RGS7: variants seen among roughly 807,000 people sequenced by gnomAD.
The protein encoded by RGS7 is regulator of G protein signaling 7.
RGS7 carries 27 observed loss-of-function variants against 81.1 expected under a neutral mutation model. The ratio of observed to expected loss-of-function variants is 0.33; its 90% CI spans 0.25 to 0.46. RGS7 has a LOEUF of 0.46. Ranked by LOEUF, RGS7 falls within the 20% of genes least tolerant of loss-of-function variation. RGS7 has a pLI of 1.00. For missense variants in RGS7, 396 were observed against 607.4 expected, an observed-to-expected ratio of 0.65 and a Z score of 3.66; for synonymous variants, 208 against 207.7, an observed-to-expected ratio of 1.00 and a Z score of -0.01.
At chr1:240,968,571 C>A (rs1481706881) in intron 4 of RGS7, among the ~76,000 whole-genome samples, 1 of 151,618 alleles carries the variant, frequency 6.6e-6, no homozygotes, top group Admixed American at 6.6e-5. Context: ...GCATTTTAGT[C>A]TCATTAGACT....
intron 18 of RGS7, among the ~76,000 whole-genome samples, chr1:240,785,026 T>G (rs1057198790): frequency 6.6e-6 from 1 of 152,190 alleles, no homozygotes; most frequent in Non-Finnish European, 1.5e-5. Context: ...ATTATTTTAC[T>G]CTCATGTTGA....
At chr1:240,779,941 C>G (rs1253975307) in intron 18 of RGS7, among the ~76,000 whole-genome samples, 1 of 152,072 alleles carries the variant, frequency 6.6e-6, no homozygotes, top group African/African-American at 2.4e-5. Context: ...TCTAAAAGGA[C>G]AGAAAGTTAT....
intron 2 of RGS7, among the ~76,000 whole-genome samples, chr1:241,199,914 T>G (rs1363270755): frequency 6.6e-6 from 1 of 152,198 alleles, no homozygotes; most frequent in Non-Finnish European, 1.5e-5. Flanking sequence ...CTTTGACAGG[T>G]CATATAGCAT....
rs771278929 is a variant in RGS7, at chr1:240,814,727, T to C, written c.834A>G (p.Lys278=). Residue 278 remains lysine (K), a synonymous_variant, in exon 12 of 19, where the codon AAA becomes AAG. Transcript: ENST00000440928. ...TTTGAAATACTCACCTGTCAGCGACTTTTGACATTTTTAACCGATGTCTAT... is the reference window on the plus strand; with the variant it reads ...TTTGAAATACTCACCTGTCAGCGACCTTTGACATTTTTAACCGATGTCTAT... ...QLDRHRLKMS[K]VADSLLSYTE... is the part of the protein sequence containing the mutation. The C allele has an allele frequency of 6.3e-7, 1 of 1,597,502 alleles. No homozygotes were observed. Among genetic ancestry groups the C allele is most frequent in the Non-Finnish European group, 8.6e-7 (1 of 1,165,330 alleles).
intron 2 of RGS7, among the ~76,000 whole-genome samples, chr1:241,177,509 A>G (rs958171580): frequency 2.0e-5 from 3 of 151,780 alleles, no homozygotes; most frequent in Non-Finnish European, 2.9e-5. Context: ...TAAATATAAG[A>G]AGCCCCTTGA....
chr1:241,287,833 A>G (rs2078901521), intron 2 of RGS7, among the ~76,000 whole-genome samples: 1 of 152,218 alleles, frequency 6.6e-6, no homozygotes, highest in African/African-American at 2.4e-5. Context: ...TTTCTAAAGC[A>G]AATAACTGTC....
intron 2 of RGS7, among the ~76,000 whole-genome samples, chr1:241,279,148 A>ACTTTATAATATAG (rs2078366528): frequency 6.6e-6 from 1 of 151,376 alleles, no homozygotes; most frequent in Non-Finnish European, 1.5e-5. Context: ...ATAACATATA[A>ACTTTATAATATAG]CTTTATAATG....
At position 240,775,869 on chromosome 1, in the gene RGS7, G is replaced by C; in HGVS notation, c.*351C>G. ...TGTGTCTAACTGAAGCTTTGAGAGA[G>C]AGAGAGAGAGAAAGAAGGAAAAAAA... is the stretch of plus-strand genomic sequence containing the variant. On this transcript the variant is annotated 3_prime_UTR_variant, in exon 19 of 19. Transcript: ENST00000440928. 8.4e-6 allele frequency: 3 copies of C among 357,364 alleles called. No individual in the cohort carries two copies. In the South Asian group the frequency reaches 9.6e-5, roughly 11 times the overall value. 22.1% of individuals were successfully genotyped at this position (357,364 alleles called of 1,614,324 possible).
chr1:240,961,664 CA>C (rs140953420), intron 4 of RGS7, among the ~76,000 whole-genome samples: 2,091 of 152,258 alleles, frequency 0.014, 26 homozygotes, highest in Middle Eastern at 0.027. Context: ...ATGGGGAATG[CA>C]AAATGGCTTA....
Position 241,327,028 on chromosome 1 carries a change from A to AGGGAGGGAGTGAGGG in RGS7, c.78+28670_78+28671insCCCTCACTCCCTCCC, listed in dbSNP as rs1257519305. ...GAAGGAAGGAAGGAAGGAAGGAAGG[A>AGGGAGGGAGTGAGGG]AGGAAGGAAGGGAGGGAGGGGAAAG... is the stretch of plus-strand genomic sequence containing the variant. On this transcript the variant is annotated intron_variant, in intron 2 of 18. Transcript: ENST00000440928. Among the ~76,000 whole-genome samples, 13 of 2,654 alleles carry AGGGAGGGAGTGAGGG rather than the reference A, an allele frequency of 4.9e-3. 4 individuals carry two copies. In the South Asian group the frequency reaches 0.12, roughly 25 times the overall value. 1.7% of individuals were successfully genotyped at this position (2,654 alleles called of 152,430 possible). A position where few individuals can be genotyped will look rare whatever the true frequency, so the allele number is the denominator to read the frequency against.
chr1:241,055,609 A>G (rs2061437960), intron 3 of RGS7, among the ~76,000 whole-genome samples: 1 of 152,208 alleles, frequency 6.6e-6, no homozygotes, highest in Non-Finnish European at 1.5e-5. Context: ...AGGAAGGGGC[A>G]TGGAGCTTCC....
chr1:241,275,031 A>G (rs899349363), intron 2 of RGS7, among the ~76,000 whole-genome samples: 6 of 152,232 alleles, frequency 3.9e-5, no homozygotes, highest in Admixed American at 3.3e-4. Context: ...GAAATGAGGA[A>G]CAGGGTCAGA....
chr1:240,813,641 G>A lies in RGS7; in HGVS notation c.933C>T (p.Thr311=), dbSNP rs1690279607. Residue 311 remains threonine, a synonymous_variant, in exon 13 of 19, where the codon ACC becomes ACT. Coordinates refer to ENST00000440928, the MANE Select transcript of RGS7 (RefSeq NM_001364886.1). The stretch of plus-strand genomic sequence containing the variant: ...ACCTTGCCTCAAGTTCCCAGAAAGT[G>A]GTGTCATCGGACAGCCATGGGTTAG... ...DPSNPWLSDD[T]TFWELEASKE... is the part of the protein sequence containing the mutation. 1.2e-6 allele frequency: 2 copies of A among 1,612,664 alleles called. No individual in the cohort carries two copies. Among genetic ancestry groups the A allele is most frequent in the East Asian group, 4.5e-5 (2 of 44,882 alleles).
intron 2 of RGS7, among the ~76,000 whole-genome samples, chr1:241,179,901 C>T (rs1305378810): frequency 6.6e-6 from 1 of 152,090 alleles, no homozygotes; most frequent in Non-Finnish European, 1.5e-5. Context: ...AGACATACTT[C>T]CTGATCTTAA....
At chr1:240,865,052 T>C (rs1055797691) in intron 9 of RGS7, among the ~76,000 whole-genome samples, 1 of 152,204 alleles carries the variant, frequency 6.6e-6, no homozygotes, top group Admixed American at 6.5e-5. Flanking sequence ...AGTGAGATGC[T>C]AAAGTGATCT....
chr1:240,932,513 C>CTTTTTTTTTTTTT lies in RGS7; in HGVS notation c.334-1758_334-1746dup, dbSNP rs56232293. Among the ~76,000 whole-genome samples, 2 of 126,908 alleles carry CTTTTTTTTTTTTT rather than the reference C, an allele frequency of 1.6e-5. 1 individual carries two copies. Among genetic ancestry groups the CTTTTTTTTTTTTT allele is most frequent in the African/African-American group, 6.1e-5 (2 of 32,932 alleles). The allele number at this position is 126,908 out of a possible 152,430, so 83.3% of individuals were successfully genotyped here. On this transcript the variant is annotated intron_variant, in intron 5 of 18. Transcript: ENST00000440928. ...AACTTTGCTTTCATGTAGGGTGTCA[C>CTTTTTTTTTTTTT]TTTTTTTTTTTTTGAGACAGGGTCT... is the stretch of plus-strand genomic sequence containing the variant.
Position 241,259,667 on chromosome 1 carries a change from A to AAAAAAAAAAT in RGS7, c.78+96031_78+96032insATTTTTTTTT. Among the ~76,000 whole-genome samples, 49 of 49,136 alleles carry AAAAAAAAAAT rather than the reference A, an allele frequency of 1.0e-3. 3 individuals are homozygous for AAAAAAAAAAT. The highest frequency in any genetic ancestry group is 1.8e-3 in the East Asian group (3 of 1,644). 32.2% of individuals were successfully genotyped at this position (49,136 alleles called of 152,430 possible). On this transcript the variant is annotated intron_variant, in intron 2 of 18. Coordinates refer to ENST00000440928, the MANE Select transcript of RGS7 (RefSeq NM_001364886.1). ...CTCCGTCTCAAAAAAAAAAAAAAAA[A>AAAAAAAAAAT]ATATATATATATATATATAATTAAA... is the stretch of plus-strand genomic sequence containing the variant.
intron 9 of RGS7, among the ~76,000 whole-genome samples, chr1:240,847,201 T>C (rs1172403018): frequency 6.6e-6 from 1 of 152,224 alleles, no homozygotes; most frequent in African/African-American, 2.4e-5. Context: ...CTCATCTCCT[T>C]TTAAAAGCAT....
At chr1:241,323,484 C>T (rs926990398) in intron 2 of RGS7, among the ~76,000 whole-genome samples, 4 of 152,212 alleles carry the variant, frequency 2.6e-5, no homozygotes, top group African/African-American at 9.6e-5. Flanking sequence ...CCCATGCACA[C>T]ACAAGCCAGT....
Sources: allele counts gnomAD v4.1 joint callset (sites outside exome capture counted in the v4.1 genomes callset), GRCh38; gene constraint gnomAD v4.1.1; transcripts MANE v1.5; gene names NCBI Gene and HGNC (gene_info 2026-07-23, HGNC 2026-07-21).